Variants in GLB1 observed in about 807,000 individuals in gnomAD.
GLB1 encodes galactosidase beta 1, also known as beta-galactosidase.
GLB1 carries 56 observed loss-of-function variants against 74.0 expected under a neutral mutation model. The observed-to-expected ratio is 0.76, with a 90% CI of 0.61 to 0.94. GLB1 has a LOEUF of 0.94. Among genes scored for constraint, GLB1 ranks in the 40% least tolerant of loss-of-function variants. GLB1 has a pLI of 0.00. For missense variants in GLB1, 787 were observed against 845.5 expected, an observed-to-expected ratio of 0.93 and a Z score of 0.86; for synonymous variants, 323 against 323.6, an observed-to-expected ratio of 1.00 and a Z score of 0.02.
chr3:33,093,814 T>C lies in GLB1; in HGVS notation c.75+3197A>G. 6.2e-7 allele frequency: 1 copy of C among 1,613,392 alleles called. No individual in the cohort carries two copies. The highest frequency in any genetic ancestry group is 8.5e-7 in the Non-Finnish European group (1 of 1,179,748). On this transcript the variant is annotated intron_variant, in intron 1 of 15. Transcript: ENST00000307363. The surrounding 1 kb of genome is among the most constrained non-coding windows in gnomAD (Gnocchi z 6.0). The stretch of plus-strand genomic sequence containing the variant: ...CTGAGGATGAAGAGGAAGAAGAGCA[T>C]GATGATGTAAGCACCCAGGCAGGAG...
At chr3:33,081,271 T>C (rs1700312133) in intron 1 of GLB1, among the ~76,000 whole-genome samples, 2 of 152,212 alleles carry the variant, frequency 1.3e-5, no homozygotes, top group South Asian at 4.2e-4. Flanking sequence ...TGGGAATGGA[T>C]CTTGAGGGGG....
the GLB1 span, among the ~76,000 whole-genome samples, chr3:32,971,592 A>C: frequency 2.0e-5 from 3 of 152,246 alleles, no homozygotes; most frequent in Admixed American, 2.0e-4. Context: ...CAAAAGCCTC[A>C]GCCAGCGTTT....
At chr3:33,001,885 T>A (rs187133450) in intron 15 of GLB1, among the ~76,000 whole-genome samples, 52 of 152,362 alleles carry the variant, frequency 3.4e-4, no homozygotes, top group Non-Finnish European at 5.6e-4. Flanking sequence ...CCTCCTTGAT[T>A]AGAACCAATG....
At chr3:32,986,328 A>G in the GLB1 span, among the ~76,000 whole-genome samples, 1 of 152,064 alleles carries the variant, frequency 6.6e-6, no homozygotes, top group Non-Finnish European at 1.5e-5. Context: ...TAAGGATAAG[A>G]AATAAATCTT....
chr3:33,022,563 G>GTTTTTTTTTTTTTTTTTT (rs1380045437), intron 11 of GLB1, among the ~76,000 whole-genome samples: 33 of 15,284 alleles, frequency 2.2e-3, no homozygotes, highest in South Asian at 0.012. Flanking sequence ...TACTGGTTAG[G>GTTTTTTTTTTTTTTTTTT]ATTTTTTTTT....
chr3:32,994,323 TAC>T (rs1696269700), downstream of GLB1, among the ~76,000 whole-genome samples: 1 of 152,174 alleles, frequency 6.6e-6, no homozygotes, highest in Non-Finnish European at 1.5e-5. Flanking sequence ...CACAAATGAC[TAC>T]ATTGTGAGGC....
the GLB1 span, among the ~76,000 whole-genome samples, chr3:32,968,404 C>A: frequency 7.2e-5 from 11 of 152,040 alleles, no homozygotes; most frequent in African/African-American, 2.7e-4. Context: ...ACCCAAGACC[C>A]CCTGCACCTG....
chr3:33,092,461 C>T (rs2125583912), intron 1 of GLB1: 1 of 1,020,384 alleles, frequency 9.8e-7, no homozygotes, highest in Non-Finnish European at 1.2e-6. Flanking sequence ...AAAAATGCTC[C>T]TGCTCCTCCC....
chr3:33,064,725 C>T (rs932658443), intron 5 of GLB1, among the ~76,000 whole-genome samples: 2 of 129,404 alleles, frequency 1.5e-5, no homozygotes, highest in African/African-American at 3.0e-5. Context: ...TGCAGTAAGC[C>T]GAGATTGCCC....
At chr3:32,995,658 C>G (rs1444167988), downstream of GLB1, among the ~76,000 whole-genome samples, 1 of 151,334 alleles carries the variant, frequency 6.6e-6, no homozygotes, top group Non-Finnish European at 1.5e-5. Context: ...CATAAAAAAA[C>G]TTTCCTTTCT....
chr3:33,002,323 G>GTCTC, intron 15 of GLB1, among the ~76,000 whole-genome samples: 2 of 75,828 alleles, frequency 2.6e-5, no homozygotes, highest in Admixed American at 1.5e-4. Flanking sequence ...TAAAACAAAA[G>GTCTC]TCTCCCTCCC....
intron 1 of GLB1, among the ~76,000 whole-genome samples, chr3:33,086,375 G>C (rs9810375): frequency 6.6e-6 from 1 of 152,024 alleles, no homozygotes; most frequent in African/African-American, 2.4e-5. Context: ...AATGAGGAGA[G>C]TTCTTTGTAA....
intron 2 of GLB1, 107 bp from the exon 3 acceptor site, chr3:33,069,077 G>A (rs568859985): frequency 1.9e-6 from 3 of 1,583,738 alleles, no homozygotes; most frequent in African/African-American, 1.3e-5. Context: ...GGATAAGAGG[G>A]AGAAGGCGCT....
chr3:33,040,681 C>T (rs530872050), intron 10 of GLB1, among the ~76,000 whole-genome samples: 1 of 151,928 alleles, frequency 6.6e-6, no homozygotes, highest in African/African-American at 2.4e-5. Context: ...ACAACACACA[C>T]GCAGAAACAA....
At chr3:33,006,084 T>G (rs1185333088) in intron 15 of GLB1, among the ~76,000 whole-genome samples, 1 of 152,170 alleles carries the variant, frequency 6.6e-6, no homozygotes, top group Non-Finnish European at 1.5e-5. Context: ...AGGAGACTTA[T>G]CCACACCCAG....
intron 10 of GLB1, among the ~76,000 whole-genome samples, chr3:33,036,956 A>G (rs572217338): frequency 6.6e-6 from 1 of 152,220 alleles, no homozygotes; most frequent in Non-Finnish European, 1.5e-5. Flanking sequence ...TGATGGCTGT[A>G]TAACATTGTG....
At chr3:33,057,944 G>A in intron 6 of GLB1, 145 bp downstream of exon 6, 1 of 1,102,054 alleles carries the variant, frequency 9.1e-7, no homozygotes, top group Non-Finnish European at 1.3e-6. Flanking sequence ...AGGGGTGCAA[G>A]TATTCTATTC....
At chr3:33,062,440 T>C (rs1018707509) in intron 5 of GLB1, among the ~76,000 whole-genome samples, 1 of 152,180 alleles carries the variant, frequency 6.6e-6, no homozygotes, top group Admixed American at 6.5e-5. Flanking sequence ...AGTGCTGGGA[T>C]TACGGGCATT....
At chr3:33,096,905 C>G in intron 1 of GLB1, 106 bp downstream of exon 1, 2 of 1,515,396 alleles carry the variant, frequency 1.3e-6, no homozygotes, top group Non-Finnish European at 1.8e-6. Flanking sequence ...CTTCGGGGCT[C>G]AGGCTCCCCG....
Sources: allele counts gnomAD v4.1 joint callset (sites outside exome capture counted in the v4.1 genomes callset), GRCh38; gene constraint gnomAD v4.1.1; non-coding constraint Gnocchi (gnomAD v3.1); transcripts MANE v1.5; gene names NCBI Gene and HGNC (gene_info 2026-07-23, HGNC 2026-07-21).